The following FAM9C variants were observed in gnomAD, a reference collection of about 807,000 sequenced individuals.
FAM9C encodes protein FAM9C.
In FAM9C, 15 loss-of-function variants were observed where a neutral mutation model predicts 14.8. The observed-to-expected ratio is 1.02, with a 90% CI of 0.68 to 1.56. The LOEUF is 1.56. Ranked by LOEUF, FAM9C falls within the 40% of genes most tolerant of loss-of-function variation. The probability of loss-of-function intolerance (pLI) is 0.00; values close to 1 mark genes in which losing one functional copy is unlikely to be tolerated. For synonymous variants in FAM9C, 45 were observed against 37.5 expected (o/e 1.20, Z -0.74); for missense variants, 116 against 118.0 (o/e 0.98, Z 0.08).
chrX:13,036,507 C>T (rs2043480773), intron 7 of FAM9C: 1 of 111,343 alleles, frequency 9.0e-6, no homozygotes, highest in Non-Finnish European at 1.9e-5. Flanking sequence ...GGAGCAAAAA[C>T]AGAAAAAGAC....
chrX:13,043,425 C>A lies in FAM9C; in HGVS notation c.62-177G>T, dbSNP rs2043545777. On this transcript the variant is annotated intron_variant, in intron 2 of 7. Transcript: ENST00000380625. ...CATTTTACGGAGGCATTTTTGGAAG[C>A]CCTTCGGGTTCAAGTCCCAGTAAAC... 2.7e-5 allele frequency among the ~76,000 whole-genome samples: 3 copies of A among 112,488 alleles called. No individual in the cohort carries two copies. The South Asian group carries it at 1.1e-3, about 41-fold the overall frequency.
intron 6 of FAM9C, among the ~76,000 whole-genome samples, chrX:13,039,070 G>A (rs1054768816): frequency 5.4e-5 from 6 of 111,315 alleles, no homozygotes; most frequent in Admixed American, 3.8e-4. Flanking sequence ...GGGTCAGATC[G>A]CATCCTGAAA....
chrX:13,043,610 G>T, intron 2 of FAM9C, 119 bp downstream of exon 2: 1 of 883,328 alleles, frequency 1.1e-6, no homozygotes. Flanking sequence ...CACATGCACG[G>T]TGAGCTCCAA....
At chrX:13,036,653 A>G (rs1377608476) in intron 7 of FAM9C, 1 of 111,709 alleles carries the variant, frequency 9.0e-6, no homozygotes, top group Non-Finnish European at 1.9e-5. Flanking sequence ...AGTTAGAGAA[A>G]ACATAACTAT....
At position 13,035,730 on chromosome X, in the gene FAM9C, A is replaced by G. The variant is rs1263918089; in HGVS notation, c.*314T>C. ...CCAAACCTAAAACTAAATTATCTTT[A>G]ATGTTAAAATTTAATTGACTGTGTA... On this transcript the variant is annotated 3_prime_UTR_variant, in exon 8 of 8. Transcript: ENST00000380625. 1 of 112,697 alleles carries G rather than the reference A, an allele frequency of 8.9e-6. No individual in the cohort carries two copies. Among genetic ancestry groups the G allele is most frequent in the Non-Finnish European group, 1.9e-5 (1 of 53,244 alleles). 9.3% of individuals were successfully genotyped at this position (112,697 alleles called of 1,213,427 possible). A position where few individuals can be genotyped will look rare whatever the true frequency, so the allele number is the denominator to read the frequency against.
intron 7 of FAM9C, 147 bp downstream of exon 7, chrX:13,038,269 C>T (rs954725835): frequency 1.4e-5 from 5 of 367,894 alleles, no homozygotes; most frequent in Non-Finnish European, 2.3e-5. Flanking sequence ...AAATCTGGAA[C>T]AACACATTCA....
In FAM9C at chrX:13,039,927, T is replaced by C; in HGVS notation, c.330-11A>G. The C allele has an allele frequency of 8.5e-7, 1 of 1,176,780 alleles. No individual in the cohort carries two copies. The highest frequency in any genetic ancestry group is 1.1e-6 in the Non-Finnish European group (1 of 872,418). On this transcript the variant is annotated splice_polypyrimidine_tract_variant and intron_variant, in intron 5 of 7. Transcript: ENST00000380625. ...TAATCACGTTTCTGCCTGTAACACA[T>C]AATAAGTAACAAGGTCATACGTCAT...
In FAM9C at chrX:13,039,775, T is replaced by C. The variant is rs775281170; in HGVS notation, c.438+33A>G. ...ATTACTACCTGAGACATTGATACAA[T>C]AGGTTAATCATAAAGCTAAGCCTGA... On this transcript the variant is annotated intron_variant, in intron 6 of 7. Transcript: ENST00000380625. 4.5e-5 allele frequency: 53 copies of C among 1,180,324 alleles called. No homozygotes were observed. The South Asian group carries it at 5.3e-4, about 12-fold the overall frequency.
At chrX:13,040,304 C>T in intron 5 of FAM9C, 1 of 752,884 alleles carries the variant, frequency 1.3e-6, no homozygotes, top group Non-Finnish European at 1.6e-6. Flanking sequence ...GAAAGAAATA[C>T]TTCACTTAAC....
chrX:13,040,279 C>T, intron 5 of FAM9C: 1 of 750,199 alleles, frequency 1.3e-6, no homozygotes, highest in Non-Finnish European at 1.6e-6. Context: ...AGCCATTCAT[C>T]CCGTAAGATT....
chrX:13,037,268 A>G (rs1431407538), intron 7 of FAM9C: 1 of 112,401 alleles, frequency 8.9e-6, no homozygotes, highest in Non-Finnish European at 1.9e-5. Flanking sequence ...TGAGTTCTTG[A>G]ACTAGGGTTG....
At chrX:13,039,991 A>T (rs2043512343) in intron 5 of FAM9C, 75 bp from the exon 6 acceptor site, 6 of 878,766 alleles carry the variant, frequency 6.8e-6, no homozygotes, top group Non-Finnish European at 6.3e-6. Flanking sequence ...ACCAAAACTG[A>T]CTTGACATAG....
intron 2 of FAM9C, 103 bp downstream of exon 2, chrX:13,043,626 C>G (rs970050015): frequency 9.8e-7 from 1 of 1,023,167 alleles, no homozygotes; most frequent in Admixed American, 2.3e-5. Flanking sequence ...TCCAAAGCCA[C>G]GAAGGGGCCG....
intron 7 of FAM9C, chrX:13,036,671 A>G (rs2043481984): frequency 8.9e-6 from 1 of 111,892 alleles, no homozygotes; most frequent in African/African-American, 3.2e-5. Context: ...TATGTTTGAA[A>G]TATATACTAT....
intron 1 of FAM9C, among the ~76,000 whole-genome samples, 171 bp from the exon 2 acceptor site, chrX:13,044,028 G>T (rs1260885626): frequency 8.9e-6 from 1 of 112,726 alleles, no homozygotes; most frequent in Non-Finnish European, 1.9e-5. Flanking sequence ...CTTCCCCGGG[G>T]CTGGCTGCAG....
At chrX:13,043,518 T>C (rs2043546747) in intron 2 of FAM9C, among the ~76,000 whole-genome samples, 1 of 112,653 alleles carries the variant, frequency 8.9e-6, no homozygotes. Context: ...TCTGAGAGCA[T>C]CTGTAACCCT....
In FAM9C at chrX:13,043,757, A is replaced by G. The variant is rs746259703; in HGVS notation, c.33T>C (p.Val11=). The change falls in exon 2 of 8, where the codon GTT becomes GTC. Residue 11 remains valine (V), a synonymous_variant. Coordinates refer to ENST00000380625, the MANE Select transcript of FAM9C (RefSeq NM_174901.6). ...CAAGCTCCATTTCCTGGGCGGCCATAACTTGAACCTCCAACTGGTCCTTGG... is the reference window on the plus strand; with the variant it reads ...CAAGCTCCATTTCCTGGGCGGCCATGACTTGAACCTCCAACTGGTCCTTGG... MAAKDQLEVQ[V]MAAQEMELAG... The G allele has an allele frequency of 5.0e-6, 6 of 1,212,001 alleles. No homozygotes were observed. The East Asian group carries it at 1.8e-4, about 36-fold the overall frequency.
In FAM9C at chrX:13,038,430, C is replaced by T. The variant is rs1003205845; in HGVS notation, c.*11G>A. ...ATAGAACAGACCTTTGTGAATTGCTCGTGTGGTGGCTCAATCTCTTTCAGT... is the reference window on the plus strand; with the variant it reads ...ATAGAACAGACCTTTGTGAATTGCTTGTGTGGTGGCTCAATCTCTTTCAGT... On this transcript the variant is annotated 3_prime_UTR_variant, in exon 7 of 8. Transcript: ENST00000380625. 13 of 1,196,718 alleles carry T rather than the reference C, an allele frequency of 1.1e-5. No individual in the cohort carries two copies. Among genetic ancestry groups the T allele is most frequent in the African/African-American group, 7.1e-5 (4 of 56,665 alleles).
rs764444670 is a variant in FAM9C at position 13,040,851 on chromosome X, G to A, written c.236C>T (p.Ala79Val). The A allele has an allele frequency of 2.5e-5, 29 of 1,178,192 alleles. No individual in the cohort carries two copies. The highest frequency in any genetic ancestry group is 3.3e-5 in the Non-Finnish European group (29 of 878,387). ...CTTTTCAATCCTTTTTCTCTTTGCA[G>A]CAAGATGCTCTTTAATGTCAGCTAG... ...DIAADIKEHL[A>V]AKRKRIEKIA... The change falls in exon 5 of 8, where the codon GCT (alanine) becomes GTT (valine). Residue 79 changes from alanine (A) to valine (V), a missense_variant. Physicochemically the swap from Ala to Val is moderately conservative, Grantham distance 64. Transcript: ENST00000380625.
Sources: gnomAD v4.1 joint callset for allele counts (sites outside exome capture counted in the v4.1 genomes callset) on GRCh38, gnomAD v4.1.1 for gene constraint, MANE v1.5 for transcripts, NCBI Gene and HGNC (gene_info 2026-07-23, HGNC 2026-07-21) for gene names.